The following PDE9A variants were observed in gnomAD, a reference collection of about 807,000 sequenced individuals.
PDE9A encodes the protein high affinity cGMP-specific 3',5'-cyclic phosphodiesterase 9A.
In PDE9A, 60 loss-of-function variants were observed where a neutral mutation model predicts 87.4. The observed-to-expected ratio is 0.69, with a 90% CI of 0.56 to 0.85. PDE9A has a LOEUF of 0.85. Among genes scored for constraint, PDE9A ranks in the 40% least tolerant of loss-of-function variants. PDE9A has a pLI of 0.00. For synonymous variants in PDE9A, 272 were observed against 279.4 expected (o/e 0.97, Z 0.27); for missense variants, 665 against 779.0 (o/e 0.85, Z 1.74).
intron 4 of PDE9A, among the ~76,000 whole-genome samples, chr21:42,715,188 C>CTTT (rs369972172): frequency 0.1 from 10,692 of 104,448 alleles, 772 homozygotes; most frequent in East Asian, 0.32. Flanking sequence ...TGCATCTTTA[C>CTTT]TTTTTTTTTT....
intron 1 of PDE9A, among the ~76,000 whole-genome samples, chr21:42,662,571 C>T (rs2057596114): frequency 7.0e-6 from 1 of 143,784 alleles, no homozygotes; most frequent in Non-Finnish European, 1.5e-5. Flanking sequence ...ACAAGCACAC[C>T]ACACACACCA....
Position 42,775,408 on chromosome 21 carries a change from AC to A in PDE9A, c.*117del, listed in dbSNP as rs936846379. On this transcript the variant is annotated 3_prime_UTR_variant, in exon 20 of 20. Coordinates refer to ENST00000291539, the MANE Select transcript of PDE9A (RefSeq NM_002606.3). ...CACCACAAGACCATGTTTTCTAAGA[AC>A]CATTTTGTTCACTGATACAAAAAAA... The A allele has an allele frequency of 2.9e-5, 23 of 789,662 alleles. No homozygotes were observed. The African/African-American group carries it at 3.6e-4, about 12-fold the overall frequency. The allele number at this position is 789,662 out of a possible 1,614,324, so 48.9% of individuals were successfully genotyped here. A position where few individuals can be genotyped will look rare whatever the true frequency, so the allele number is the denominator to read the frequency against.
chr21:42,769,495 GCACGCAGGTACACATGCACACAAGGCA>G (rs1487068804), intron 17 of PDE9A, among the ~76,000 whole-genome samples: 22 of 10,296 alleles, frequency 2.1e-3, no homozygotes, highest in African/African-American at 4.9e-3. Context: ...TGCACACAAG[GCACGCAGGTACACATGCACACAAGGCA>G]CACAGGCACA....
chr21:42,766,887 C>A (rs949663022), intron 15 of PDE9A, among the ~76,000 whole-genome samples: 1 of 151,612 alleles, frequency 6.6e-6, no homozygotes. Flanking sequence ...AGGGAAGAGA[C>A]GGGGAGGGGC....
At position 42,659,861 on chromosome 21, in the gene PDE9A, C is replaced by T. The variant is rs1311021699; in HGVS notation, c.69+5978C>T. ...GGCAAAAGACAGCTCTCGTTGTCAGCGAGGTAAATCTAGCGCAGAGGAAGG... is the reference window on the plus strand; with the variant it reads ...GGCAAAAGACAGCTCTCGTTGTCAGTGAGGTAAATCTAGCGCAGAGGAAGG... On this transcript the variant is annotated intron_variant, in intron 1 of 19. Transcript: ENST00000291539. The surrounding 1 kb of genome is among the most constrained non-coding windows in gnomAD (Gnocchi z 4.1). 2.0e-5 allele frequency among the ~76,000 whole-genome samples: 3 copies of T among 152,204 alleles called. No individual in the cohort carries two copies. The highest frequency in any genetic ancestry group is 2.9e-5 in the Non-Finnish European group (2 of 68,038).
chr21:42,684,842 G>A (rs2059359923), intron 1 of PDE9A, among the ~76,000 whole-genome samples: 1 of 152,112 alleles, frequency 6.6e-6, no homozygotes, highest in African/African-American at 2.4e-5. Context: ...GGGGATAACG[G>A]GCAAGGAGAG....
At chr21:42,731,673 A>C (rs1395727072) in intron 4 of PDE9A, 97 bp from the exon 5 acceptor site, 7 of 1,230,742 alleles carry the variant, frequency 5.7e-6, no homozygotes. Context: ...CGTGCCTTGC[A>C]CTCACTTTGT....
chr21:42,737,462 G>A (rs2052577667), intron 7 of PDE9A, among the ~76,000 whole-genome samples: 1 of 152,132 alleles, frequency 6.6e-6, no homozygotes, highest in African/African-American at 2.4e-5. Flanking sequence ...GTCTTGTCTT[G>A]TTTTTGTTGT....
chr21:42,693,093 G>A (rs1403330369), intron 3 of PDE9A, among the ~76,000 whole-genome samples: 1 of 152,180 alleles, frequency 6.6e-6, no homozygotes, highest in East Asian at 1.9e-4. Flanking sequence ...GGTGACCCAC[G>A]GGGCCTGGAA....
intron 1 of PDE9A, among the ~76,000 whole-genome samples, chr21:42,668,522 G>A (rs1237697939): frequency 6.6e-6 from 1 of 152,192 alleles, no homozygotes; most frequent in African/African-American, 2.4e-5. Flanking sequence ...AGTCCTGTGT[G>A]CAGAGCTCCA....
chr21:42,741,977 A>G (rs997126512), intron 7 of PDE9A, among the ~76,000 whole-genome samples: 14 of 152,192 alleles, frequency 9.2e-5, no homozygotes. Context: ...CAAAGTAACA[A>G]AGCTAATCTT....
At chr21:42,656,589 C>T (rs899457964) in intron 1 of PDE9A, among the ~76,000 whole-genome samples, 16 of 152,014 alleles carry the variant, frequency 1.1e-4, no homozygotes, top group Non-Finnish European at 2.2e-4. Context: ...AGCCACTTGG[C>T]GCCAGGCCAA....
intron 1 of PDE9A, among the ~76,000 whole-genome samples, chr21:42,680,968 C>A (rs868327881): frequency 5.3e-5 from 8 of 152,354 alleles, no homozygotes; most frequent in African/African-American, 1.9e-4. Context: ...CACTCAGAGA[C>A]TTCCTAGAGA....
intron 1 of PDE9A, among the ~76,000 whole-genome samples, chr21:42,672,170 G>A (rs1206548935): frequency 6.6e-6 from 1 of 152,226 alleles, no homozygotes; most frequent in Non-Finnish European, 1.5e-5. Context: ...TTGAGAACAA[G>A]GCAAACAGAG....
intron 1 of PDE9A, among the ~76,000 whole-genome samples, chr21:42,684,864 T>C (rs1178841550): frequency 1.3e-5 from 2 of 152,080 alleles, no homozygotes; most frequent in African/African-American, 4.8e-5. Context: ...TGCTGTTTAC[T>C]GTCTTATTGT....
chr21:42,721,006 A>C (rs77787645), intron 4 of PDE9A, among the ~76,000 whole-genome samples: 1 of 147,274 alleles, frequency 6.8e-6, no homozygotes, highest in Non-Finnish European at 1.5e-5. Context: ...ACTCCGTCTC[A>C]AAAAAAAAAA....
rs1373307559 is a variant in PDE9A at position 42,705,815 on chromosome 21, C to G, written c.262+6804C>G. On this transcript the variant is annotated intron_variant, in intron 4 of 19. Transcript: ENST00000291539. The surrounding 1 kb of genome is among the most constrained non-coding windows in gnomAD (Gnocchi z 4.3). ...GTTCTCCCCCACATTCCTGCCTGCC[C>G]TAGGACCCAGGACCTGTCTCTAGTC... Among the ~76,000 whole-genome samples, 1 of 152,130 alleles carries G rather than the reference C, an allele frequency of 6.6e-6. No individual in the cohort carries two copies. The highest frequency in any genetic ancestry group is 1.5e-5 in the Non-Finnish European group (1 of 68,012).
intron 8 of PDE9A, among the ~76,000 whole-genome samples, chr21:42,746,413 G>T (rs1179730111): frequency 9.2e-5 from 14 of 152,238 alleles, no homozygotes; most frequent in Admixed American, 9.2e-4. Flanking sequence ...GGCCCCAGGG[G>T]AGGGACCTTC....
rs1427992711 is a variant in PDE9A at position 42,705,716 on chromosome 21, C to T, written c.262+6705C>T. ...TTCTTAGGCACAGCAGCAGTTGAAC[C>T]GTGCTGTCACACTTAACCCAAGTGA... On this transcript the variant is annotated intron_variant, in intron 4 of 19. Transcript: ENST00000291539. This position sits in a 1 kb window ranked among gnomAD's most constrained non-coding sequence, Gnocchi z 4.3. 2.0e-5 allele frequency among the ~76,000 whole-genome samples: 3 copies of T among 152,150 alleles called. No individual in the cohort carries two copies. The highest frequency in any genetic ancestry group is 4.8e-5 in the African/African-American group (2 of 41,442).
Sources: gnomAD v4.1 joint callset for allele counts (sites outside exome capture counted in the v4.1 genomes callset) on GRCh38, gnomAD v4.1.1 for gene constraint, Gnocchi (gnomAD v3.1) non-coding constraint, MANE v1.5 for transcripts, NCBI Gene and HGNC (gene_info 2026-07-23, HGNC 2026-07-21) for gene names.